UBA52: variants seen among roughly 807,000 people sequenced by gnomAD.
The protein encoded by UBA52 is ubiquitin-ribosomal protein eL40 fusion protein.
UBA52 carries 1 observed loss-of-function variant against 15.3 expected under a neutral mutation model. The observed-to-expected ratio is 0.07, with a 90% CI of 0.02 to 0.31. The LOEUF is 0.31. UBA52 is among the 10% of genes least tolerant of loss of function. The probability of loss-of-function intolerance (pLI) is 1.00; values close to 1 mark genes in which losing one functional copy is unlikely to be tolerated. For synonymous variants in UBA52, 50 were observed against 58.3 expected (o/e 0.86, Z 0.65); for missense variants, 87 against 168.0 (o/e 0.52, Z 2.66).
At chr19:18,568,038 C>T (rs1332486225), upstream of UBA52, among the ~76,000 whole-genome samples, 2 of 152,062 alleles carry the variant, frequency 1.3e-5, no homozygotes, top group Non-Finnish European at 2.9e-5. Flanking sequence ...GAGGCTGAGG[C>T]GGGTGGATCA....
chr19:18,571,402 T>C (rs554937227), upstream of UBA52, among the ~76,000 whole-genome samples: 28 of 151,852 alleles, frequency 1.8e-4, no homozygotes, highest in East Asian at 3.5e-3. Context: ...TACCGTCTGC[T>C]CTCCCTGCTG....
At chr19:18,571,251 G>T (rs1340660160), upstream of UBA52, among the ~76,000 whole-genome samples, 1 of 150,432 alleles carries the variant, frequency 6.6e-6, no homozygotes, top group Non-Finnish European at 1.5e-5. Context: ...CGGAGGTTGC[G>T]GTGAGCCGAG....
At position 18,572,830 on chromosome 19, in the gene UBA52, G is replaced by T. The variant is rs936324394; in HGVS notation, c.-8-463G>T. The T allele has an allele frequency of 6.9e-6, 7 of 1,013,202 alleles. No homozygotes were observed. The South Asian group carries it at 1.1e-4, about 17-fold the overall frequency. The allele number at this position is 1,013,202 out of a possible 1,614,324, so 62.8% of individuals were successfully genotyped here. A position where few individuals can be genotyped will look rare whatever the true frequency, so the allele number is the denominator to read the frequency against. On this transcript the variant is annotated intron_variant, in intron 1 of 4. Coordinates refer to ENST00000442744, the MANE Select transcript of UBA52 (RefSeq NM_001033930.3). ...GAGAGAGGCTGCGACAGGAAGGCAT[G>T]TGTGTTGTAGGGGATGGCTTCCCAT...
chr19:18,565,613 A>C, the UBA52 span, among the ~76,000 whole-genome samples: 1 of 152,160 alleles, frequency 6.6e-6, no homozygotes, highest in South Asian at 2.1e-4. Flanking sequence ...TCCTGGATTC[A>C]AGCGATTCTT....
At chr19:18,565,118 C>G in the UBA52 span, 1 of 1,538,926 alleles carries the variant, frequency 6.5e-7, no homozygotes, top group Non-Finnish European at 8.7e-7. Flanking sequence ...AGGGAGATTT[C>G]TGTTTGTTTT....
intron 1 of UBA52, 189 bp from the exon 2 acceptor site, chr19:18,573,104 T>A: frequency 2.5e-6 from 3 of 1,194,704 alleles, no homozygotes; most frequent in Non-Finnish European, 3.4e-6. Context: ...ATGTTTAGAC[T>A]ACAGGCCAGG....
At chr19:18,564,836 G>A in the UBA52 span, 1 of 1,611,342 alleles carries the variant, frequency 6.2e-7, no homozygotes. Context: ...CTGAAGCTGG[G>A]CAGTGAAGCT....
At position 18,575,019 on chromosome 19, in the gene UBA52, G is replaced by A. The variant is rs762450405; in HGVS notation, c.294-38G>A. On this transcript the variant is annotated intron_variant, in intron 4 of 4. Coordinates refer to ENST00000442744, the MANE Select transcript of UBA52 (RefSeq NM_001033930.3). ...GGGGGCTGTGGGGGCTGCCGGAGTC[G>A]GGGTATGCCCTCACCCACCCCTCCT... is the stretch of plus-strand genomic sequence containing the variant. 130 of 1,614,080 alleles carry A rather than the reference G, an allele frequency of 8.1e-5. 1 individual carries two copies. Among genetic ancestry groups the A allele is most frequent in the Non-Finnish European group, 1.0e-4 (123 of 1,180,040 alleles).
chr19:18,572,659 T>A lies in UBA52; in HGVS notation c.-8-634T>A, dbSNP rs78674513. On this transcript the variant is annotated intron_variant, in intron 1 of 4. Transcript: ENST00000442744. ...CTTTGTCTTTTTAAGTCAACTTTTA[T>A]ATGTGAACAATGCTTGGCAGGTGGT... 4.0e-3 allele frequency: 1,525 copies of A among 380,644 alleles called. 19 individuals are homozygous for A. The highest frequency in any genetic ancestry group is 0.032 in the African/African-American group (1,450 of 45,826). The allele number at this position is 380,644 out of a possible 1,614,324, so 23.6% of individuals were successfully genotyped here.
chr19:18,571,109 G>T (rs1203290408), upstream of UBA52, among the ~76,000 whole-genome samples: 1 of 149,788 alleles, frequency 6.7e-6, no homozygotes, highest in Non-Finnish European at 1.5e-5. Context: ...TCGCGAGTTT[G>T]AGACCAGCCT....
intron 2 of UBA52, 66 bp from the exon 3 acceptor site, chr19:18,573,596 C>T (rs1011135646): frequency 1.9e-6 from 3 of 1,546,816 alleles, no homozygotes; most frequent in Admixed American, 1.7e-5. Flanking sequence ...GCTGGAGCTC[C>T]CCTGCAGAGG....
chr19:18,567,225 C>T, upstream of UBA52: 1 of 1,598,668 alleles, frequency 6.3e-7, no homozygotes. Flanking sequence ...CAGCACTCTC[C>T]ACCCAGGGCA....
chr19:18,574,624 C>A (rs1294837466), intron 3 of UBA52, among the ~76,000 whole-genome samples: 2 of 152,180 alleles, frequency 1.3e-5, no homozygotes. Flanking sequence ...CAGATGGATG[C>A]CTCAGTTGGC....
At chr19:18,567,953 T>A (rs1371883923), upstream of UBA52, among the ~76,000 whole-genome samples, 2 of 152,046 alleles carry the variant, frequency 1.3e-5, no homozygotes, top group East Asian at 3.9e-4. Context: ...GGGCCTCAGT[T>A]TTCTCCTCTA....
rs184727297 is a variant in UBA52, at chr19:18,575,993, G to C, written c.*843G>C. On this transcript the variant is annotated 3_prime_UTR_variant, in exon 5 of 5. Transcript: ENST00000442744. Reference sequence around the variant, plus strand: ...GATCTCCTGACCTTGTGATCCATTCGCCTTGGCCTCCCAGAATGCTGGTAT... The same window carrying C: ...GATCTCCTGACCTTGTGATCCATTCCCCTTGGCCTCCCAGAATGCTGGTAT... The C allele has an allele frequency of 6.6e-6, 1 of 152,198 alleles. No individual in the cohort carries two copies. Among genetic ancestry groups the C allele is most frequent in the African/African-American group, 2.4e-5 (1 of 41,436 alleles). 9.4% of individuals were successfully genotyped at this position (152,198 alleles called of 1,614,324 possible). A position where few individuals can be genotyped will look rare whatever the true frequency, so the allele number is the denominator to read the frequency against.
At chr19:18,573,088 C>G (rs1048801294) in intron 1 of UBA52, 2 of 1,261,814 alleles carry the variant, frequency 1.6e-6, no homozygotes, top group Non-Finnish European at 2.1e-6. Flanking sequence ...TCTTTAGTTC[C>G]AGGACATGTT....
the UBA52 span, chr19:18,564,796 A>T: frequency 6.4e-7 from 1 of 1,552,618 alleles, no homozygotes; most frequent in East Asian, 2.2e-5. Flanking sequence ...CTTGGCATGA[A>T]CAGTCTTCTG....
At chr19:18,574,391 C>G (rs957250452) in intron 3 of UBA52, among the ~76,000 whole-genome samples, 7 of 151,726 alleles carry the variant, frequency 4.6e-5, no homozygotes, top group Non-Finnish European at 7.4e-5. Context: ...CGGGTTCAAG[C>G]GATTCCCCTG....
chr19:18,570,990 CTTT>C (rs940548492), upstream of UBA52, among the ~76,000 whole-genome samples: 6 of 151,322 alleles, frequency 4.0e-5, no homozygotes, highest in African/African-American at 1.5e-4. Context: ...CGCCCTGGCA[CTTT>C]TTAACCACCC....
Sources: gnomAD v4.1 joint callset for allele counts (sites outside exome capture counted in the v4.1 genomes callset) on GRCh38, gnomAD v4.1.1 for gene constraint, MANE v1.5 for transcripts, NCBI Gene and HGNC (gene_info 2026-07-23, HGNC 2026-07-21) for gene names.